Variants in M1AP observed in about 807,000 individuals in gnomAD.
The protein encoded by M1AP is meiosis 1 associated protein.
Under a neutral mutation model 51.2 loss-of-function variants are expected in M1AP, and 39 were observed. The ratio of observed to expected loss-of-function variants is 0.76; its 90% CI spans 0.59 to 1.00. The LOEUF (loss-of-function observed/expected upper bound fraction) is 1.00. Among genes scored for constraint, M1AP ranks in the 50% least tolerant of loss-of-function variants. The probability of loss-of-function intolerance (pLI) is 0.00; values close to 1 mark genes in which losing one functional copy is unlikely to be tolerated. For missense variants in M1AP, 545 were observed against 641.2 expected (o/e 0.85, Z 1.62); for synonymous variants, 251 against 249.2 (o/e 1.01, Z -0.07).
chr2:74,621,872 C>G (rs990688555), intron 2 of M1AP, among the ~76,000 whole-genome samples: 5 of 150,788 alleles, frequency 3.3e-5, no homozygotes, highest in African/African-American at 1.2e-4. Flanking sequence ...CTTTGGGAGG[C>G]TGAGGTGGGT....
At chr2:74,561,802 C>T in intron 8 of M1AP, 2 of 787,882 alleles carry the variant, frequency 2.5e-6, no homozygotes, top group Non-Finnish European at 3.1e-6. Context: ...TTGTGGCTTC[C>T]TCCCCTGCCT....
intron 2 of M1AP, among the ~76,000 whole-genome samples, chr2:74,634,223 C>A (rs1282122443): frequency 1.3e-5 from 2 of 152,036 alleles, no homozygotes; most frequent in African/African-American, 4.8e-5. Flanking sequence ...GAATTGAGTG[C>A]CTGAAAATGA....
chr2:74,645,192 C>T (rs1683531623), intron 1 of M1AP, among the ~76,000 whole-genome samples: 1 of 152,044 alleles, frequency 6.6e-6, no homozygotes, highest in Admixed American at 6.5e-5. Context: ...ACACTCACTG[C>T]AAAGGTCTGC....
intron 4 of M1AP, among the ~76,000 whole-genome samples, chr2:74,589,599 C>T (rs1679923683): frequency 6.6e-6 from 1 of 152,210 alleles, no homozygotes; most frequent in Admixed American, 6.5e-5. Context: ...AGCTTTACCG[C>T]TTATGCTTTC....
At chr2:74,559,665 C>T in intron 10 of M1AP, 33 bp downstream of exon 10, 1 of 718,424 alleles carries the variant, frequency 1.4e-6, no homozygotes, top group Non-Finnish European at 2.6e-6. Flanking sequence ...TGGTCAGCCT[C>T]CTTTCCTCAT....
intron 7 of M1AP, 25 bp from the exon 8 acceptor site, chr2:74,562,448 C>A: frequency 6.2e-7 from 1 of 1,613,144 alleles, no homozygotes; most frequent in Non-Finnish European, 8.5e-7. Context: ...TACAGAAATA[C>A]TGGTTCATCT....
intron 2 of M1AP, among the ~76,000 whole-genome samples, chr2:74,635,314 G>T (rs151037229): frequency 1.2e-3 from 184 of 152,106 alleles, no homozygotes; most frequent in Middle Eastern, 3.4e-3. Flanking sequence ...AATAATAAGG[G>T]CCTATAATGA....
At chr2:74,581,880 A>G in intron 4 of M1AP, 33 bp from the exon 5 acceptor site, 2 of 1,572,804 alleles carry the variant, frequency 1.3e-6, no homozygotes, top group South Asian at 2.3e-5. Context: ...GTGTTCACTT[A>G]GATTGTAAAT....
chr2:74,596,859 AAC>A (rs1680370033), intron 4 of M1AP, among the ~76,000 whole-genome samples: 1 of 152,262 alleles, frequency 6.6e-6, no homozygotes, highest in Non-Finnish European at 1.5e-5. Flanking sequence ...AAAAAATATA[AAC>A]ACAAAAGGTG....
intron 1 of M1AP, among the ~76,000 whole-genome samples, chr2:74,642,939 A>G (rs1468717289): frequency 6.6e-6 from 1 of 152,144 alleles, no homozygotes; most frequent in Non-Finnish European, 1.5e-5. Flanking sequence ...GTTGGTCTTG[A>G]ACTTCTGAGC....
intron 4 of M1AP, among the ~76,000 whole-genome samples, chr2:74,585,621 T>C (rs551095570): frequency 1.3e-5 from 2 of 152,356 alleles, no homozygotes; most frequent in East Asian, 3.9e-4. Context: ...AACTGATTTC[T>C]TGAAAAAGTC....
chr2:74,621,487 GT>G (rs1682034258), intron 2 of M1AP, among the ~76,000 whole-genome samples: 1 of 151,774 alleles, frequency 6.6e-6, no homozygotes, highest in Admixed American at 6.6e-5. Context: ...TTGAAGAGTA[GT>G]AAAAAAGATA....
Position 74,575,442 on chromosome 2 carries a change from A to AT in M1AP, c.1069_1070insA (p.Leu357HisfsTer60). On this transcript the variant is annotated frameshift_variant, in exon 7 of 11. Transcript: ENST00000421985. LOFTEE classifies it high-confidence loss of function. ...CCTGGGGACATGGGTACTCACCAGC[A>AT]GGCTGTGACACAAAGCATGGAAATG... is the stretch of plus-strand genomic sequence containing the variant. 6.2e-7 allele frequency: 1 copy of AT among 1,614,136 alleles called. No homozygotes were observed. Among genetic ancestry groups the AT allele is most frequent in the Non-Finnish European group, 8.5e-7 (1 of 1,180,020 alleles).
intron 7 of M1AP, among the ~76,000 whole-genome samples, chr2:74,574,634 C>T (rs1166650162): frequency 6.6e-6 from 1 of 152,196 alleles, no homozygotes; most frequent in African/African-American, 2.4e-5. Context: ...AATGTTATTT[C>T]TCATGATTTG....
intron 4 of M1AP, among the ~76,000 whole-genome samples, chr2:74,603,229 A>C (rs1413808143): frequency 6.6e-6 from 1 of 152,242 alleles, no homozygotes; most frequent in African/African-American, 2.4e-5. Flanking sequence ...ATGGGTATCA[A>C]AGTCATTGAT....
At chr2:74,587,202 TTTC>T (rs1343033722) in intron 4 of M1AP, among the ~76,000 whole-genome samples, 12 of 151,778 alleles carry the variant, frequency 7.9e-5, no homozygotes, top group Non-Finnish European at 1.6e-4. Context: ...CTTTTTTTTT[TTTC>T]TTTTTTCTTT....
intron 7 of M1AP, among the ~76,000 whole-genome samples, chr2:74,573,371 G>A (rs1342512748): frequency 6.7e-6 from 1 of 149,874 alleles, no homozygotes; most frequent in African/African-American, 2.5e-5. Flanking sequence ...ACTATTTTTT[G>A]AGACAGGGTC....
chr2:74,637,003 GA>G (rs1683023011), intron 2 of M1AP, among the ~76,000 whole-genome samples: 1 of 152,108 alleles, frequency 6.6e-6, no homozygotes, highest in South Asian at 2.1e-4. Context: ...ATCAAAATTA[GA>G]AAAATTTTGG....
intron 2 of M1AP, among the ~76,000 whole-genome samples, chr2:74,639,150 A>G (rs914358855): frequency 2.6e-5 from 4 of 152,202 alleles, no homozygotes; most frequent in African/African-American, 9.6e-5. Context: ...ATGAAGTAAT[A>G]TATATTATTT....
Sources: gnomAD v4.1 joint callset for allele counts (sites outside exome capture counted in the v4.1 genomes callset) on GRCh38, gnomAD v4.1.1 for gene constraint, MANE v1.5 for transcripts, NCBI Gene and HGNC (gene_info 2026-07-23, HGNC 2026-07-21) for gene names.